LRRN2: variants seen among roughly 807,000 people sequenced by gnomAD.
LRRN2 encodes the protein leucine-rich repeat neuronal protein 2.
In LRRN2, 10 loss-of-function variants were observed where a neutral mutation model predicts 35.7. The ratio of observed to expected loss-of-function variants is 0.28; its 90% CI spans 0.17 to 0.47. The LOEUF (loss-of-function observed/expected upper bound fraction) is 0.47. Ranked by LOEUF, LRRN2 falls within the 20% of genes least tolerant of loss-of-function variation. The pLI is 0.99. For missense variants in LRRN2, 731 were observed against 940.3 expected, an observed-to-expected ratio of 0.78 and a Z score of 2.91; for synonymous variants, 391 against 409.6, an observed-to-expected ratio of 0.95 and a Z score of 0.55.
chr1:204,637,912 AG>A (rs1558410275), intron 1 of LRRN2, among the ~76,000 whole-genome samples: 1 of 152,232 alleles, frequency 6.6e-6, no homozygotes, highest in African/African-American at 2.4e-5. Flanking sequence ...TGTGAGTTAA[AG>A]GCATTTTATT....
At chr1:204,664,186 CTGTT>C (rs1456351719) in intron 1 of LRRN2, 1 of 152,366 alleles carries the variant, frequency 6.6e-6, no homozygotes, top group Non-Finnish European at 1.5e-5. Flanking sequence ...CCACCCAGCT[CTGTT>C]TGTCTCCCCA....
At chr1:204,622,750 C>A (rs1221001426) in intron 1 of LRRN2, among the ~76,000 whole-genome samples, 1 of 152,094 alleles carries the variant, frequency 6.6e-6, no homozygotes, top group African/African-American at 2.4e-5. Context: ...ATACCAGAGA[C>A]CCCTGACTGC....
In LRRN2 at chr1:204,655,051, G is replaced by A. The variant is rs150222539; in HGVS notation, c.-227+30269C>T. On this transcript the variant is annotated intron_variant, in intron 1 of 1. Transcript: ENST00000367177. The stretch of plus-strand genomic sequence containing the variant: ...TTCTGAAACTTTAATGGGTGCAAAA[G>A]ACATTCTCCATTCTCTAGCCCCTGT... Among the ~76,000 whole-genome samples, 345 of 152,332 alleles carry A rather than the reference G, an allele frequency of 2.3e-3. No homozygotes were observed. The Middle Eastern group carries it at 0.027, about 12-fold the overall frequency.
rs971289134 is a variant in LRRN2, at chr1:204,638,402, C to CTTTTTTTTTTTTTTTTTTTTTT, written c.-226-18206_-226-18185dup. ...GTGAAGTAACTTGCCCAAGGTCTTC[C>CTTTTTTTTTTTTTTTTTTTTTT]TTTTTTTTTTTTTTTTTTTTTTTTT... is the stretch of plus-strand genomic sequence containing the variant. On this transcript the variant is annotated intron_variant, in intron 1 of 1. Transcript: ENST00000367177. Among the ~76,000 whole-genome samples, 2 of 71,688 alleles carry CTTTTTTTTTTTTTTTTTTTTTT rather than the reference C, an allele frequency of 2.8e-5. 1 individual carries two copies. The allele number at this position is 71,688 out of a possible 152,430, so 47.0% of individuals were successfully genotyped here. A position where few individuals can be genotyped will look rare whatever the true frequency, so the allele number is the denominator to read the frequency against.
Position 204,634,588 on chromosome 1 carries a change from A to G in LRRN2, c.-226-14370T>C, listed in dbSNP as rs191830144. 4.0e-3 allele frequency among the ~76,000 whole-genome samples: 609 copies of G among 152,354 alleles called. 4 individuals are homozygous for G. The highest frequency in any genetic ancestry group is 0.014 in the African/African-American group (580 of 41,592). ...AGACAGAGGCACACAGGAAGGTGCC[A>G]TGTGCCACGGAGACAGATGGAAGTG... On this transcript the variant is annotated intron_variant, in intron 1 of 1. Transcript: ENST00000367177.
chr1:204,665,234 A>C (rs1668552138), intron 1 of LRRN2, among the ~76,000 whole-genome samples: 1 of 152,186 alleles, frequency 6.6e-6, no homozygotes. Context: ...GTGATCATGC[A>C]TTCCCGGGGG....
At chr1:204,659,642 T>G (rs1282489839) in intron 1 of LRRN2, among the ~76,000 whole-genome samples, 3 of 149,262 alleles carry the variant, frequency 2.0e-5, no homozygotes, top group Non-Finnish European at 3.0e-5. Context: ...GTGTGTGTGA[T>G]GGATAGTTCA....
rs1285210348 is a variant in LRRN2 at position 204,657,339 on chromosome 1, T to TACACACACACACAC, written c.-227+27980_-227+27981insGTGTGTGTGTGTGT. Among the ~76,000 whole-genome samples the TACACACACACACAC allele has an allele frequency of 1.8e-3, 224 of 124,288 alleles. 2 individuals carry two copies. In the South Asian group the frequency reaches 0.023, roughly 13 times the overall value. The allele number at this position is 124,288 out of a possible 152,430, so 81.5% of individuals were successfully genotyped here. On this transcript the variant is annotated intron_variant, in intron 1 of 1. Transcript: ENST00000367177. Reference sequence around the variant, plus strand: ...ATCTATGTGTCTATATATATGTATATATACACACACACACACACACACACA... The same window carrying TACACACACACACAC: ...ATCTATGTGTCTATATATATGTATATACACACACACACACATACACACACACACACACACACACA...
chr1:204,637,435 C>T (rs1350280721), intron 1 of LRRN2, among the ~76,000 whole-genome samples: 2 of 152,174 alleles, frequency 1.3e-5, no homozygotes, highest in Admixed American at 1.3e-4. Flanking sequence ...GAGGGAGCGG[C>T]TCAGGGAGAC....
intron 1 of LRRN2, among the ~76,000 whole-genome samples, chr1:204,634,879 C>T (rs1227568975): frequency 6.6e-6 from 1 of 152,210 alleles, no homozygotes; most frequent in Non-Finnish European, 1.5e-5. Flanking sequence ...TTCTATGAGC[C>T]TCAGTTTTCT....
chr1:204,642,905 C>T (rs1444775525), intron 1 of LRRN2, among the ~76,000 whole-genome samples: 1 of 152,178 alleles, frequency 6.6e-6, no homozygotes, highest in Non-Finnish European at 1.5e-5. Flanking sequence ...GAAGGTGCAG[C>T]ACCTAAGTGT....
intron 1 of LRRN2, among the ~76,000 whole-genome samples, chr1:204,656,462 C>G (rs1383752629): frequency 6.6e-6 from 1 of 152,144 alleles, no homozygotes; most frequent in African/African-American, 2.4e-5. Flanking sequence ...AACAATTTGT[C>G]TCTCCCTGAG....
intron 1 of LRRN2, among the ~76,000 whole-genome samples, chr1:204,679,888 G>T (rs1322304093): frequency 6.6e-6 from 1 of 152,204 alleles, no homozygotes; most frequent in Non-Finnish European, 1.5e-5. Flanking sequence ...GGAAAAAAAA[G>T]GTCACAGAGA....
intron 1 of LRRN2, among the ~76,000 whole-genome samples, chr1:204,653,306 G>C: frequency 6.6e-6 from 1 of 152,180 alleles, no homozygotes; most frequent in Non-Finnish European, 1.5e-5. Context: ...TCTAGGAGTT[G>C]GCTCCACTGA....
At chr1:204,630,581 G>T (rs142684030) in intron 1 of LRRN2, among the ~76,000 whole-genome samples, 1 of 152,140 alleles carries the variant, frequency 6.6e-6, no homozygotes, top group East Asian at 1.9e-4. Flanking sequence ...CAGCTGTCCA[G>T]GCAGCCCGGA....
At chr1:204,624,284 C>G (rs1049009533) in intron 1 of LRRN2, among the ~76,000 whole-genome samples, 8 of 152,192 alleles carry the variant, frequency 5.3e-5, no homozygotes, top group African/African-American at 1.7e-4. Context: ...CCTGGAACCA[C>G]AGGGACAAAC....
At chr1:204,683,485 G>A (rs1028284540) in intron 1 of LRRN2, among the ~76,000 whole-genome samples, 1 of 151,928 alleles carries the variant, frequency 6.6e-6, no homozygotes, top group African/African-American at 2.4e-5. Flanking sequence ...AGGAAGAGGG[G>A]AGGCACAGGG....
chr1:204,680,154 G>A (rs1668916672), intron 1 of LRRN2, among the ~76,000 whole-genome samples: 1 of 152,194 alleles, frequency 6.6e-6, no homozygotes, highest in African/African-American at 2.4e-5. Context: ...CTGTTTCTTG[G>A]CTTTTTAGGT....
intron 1 of LRRN2, among the ~76,000 whole-genome samples, chr1:204,622,553 T>C (rs1174887177): frequency 1.3e-5 from 2 of 152,112 alleles, no homozygotes; most frequent in Non-Finnish European, 2.9e-5. Flanking sequence ...TGTGTACACA[T>C]GCATGCATGC....
Sources: allele counts gnomAD v4.1 joint callset (sites outside exome capture counted in the v4.1 genomes callset), GRCh38; gene constraint gnomAD v4.1.1; transcripts MANE v1.5; gene names NCBI Gene and HGNC (gene_info 2026-07-23, HGNC 2026-07-21).